Variants in EPB41L3 observed in about 807,000 individuals in gnomAD.
EPB41L3 encodes the protein band 4.1-like protein 3.
EPB41L3 carries 57 observed loss-of-function variants against 127.1 expected under a neutral mutation model. That is an observed-to-expected ratio of 0.45 (90% CI 0.36 to 0.56). EPB41L3 has a LOEUF of 0.56. Ranked by LOEUF, EPB41L3 falls within the 20% of genes least tolerant of loss-of-function variation. EPB41L3 has a pLI of 0.00. For synonymous variants in EPB41L3, 572 were observed against 549.5 expected (o/e 1.04, Z -0.57); for missense variants, 1,273 against 1,372.2 (o/e 0.93, Z 1.14).
chr18:5,620,022 C>T (rs1482905214), intron 1 of EPB41L3, among the ~76,000 whole-genome samples: 1 of 151,962 alleles, frequency 6.6e-6, no homozygotes, highest in Non-Finnish European at 1.5e-5. Context: ...AGTATTTTTC[C>T]ATAGCAAAAC....
intron 14 of EPB41L3, 51 bp downstream of exon 14, chr18:5,410,515 C>A: frequency 7.2e-7 from 1 of 1,393,990 alleles, no homozygotes; most frequent in Non-Finnish European, 1.0e-6. Context: ...AGCCACCCCA[C>A]AAGGCATTTT....
chr18:5,540,021 G>A (rs1211423840), intron 1 of EPB41L3, among the ~76,000 whole-genome samples: 3 of 152,058 alleles, frequency 2.0e-5, no homozygotes, highest in African/African-American at 7.2e-5. Flanking sequence ...CATCTTTAGA[G>A]AGACCACATA....
At chr18:5,615,656 T>C (rs2094785929) in intron 1 of EPB41L3, among the ~76,000 whole-genome samples, 2 of 152,218 alleles carry the variant, frequency 1.3e-5, no homozygotes, top group African/African-American at 4.8e-5. Flanking sequence ...GGGCAGAATA[T>C]TGGCACATAG....
chr18:5,570,208 A>G (rs1016746974), intron 3 of EPB41L3: 4 of 152,060 alleles, frequency 2.6e-5, no homozygotes, highest in African/African-American at 9.7e-5. Context: ...TCACCCCTCA[A>G]ATCAAATAGG....
intron 16 of EPB41L3, among the ~76,000 whole-genome samples, chr18:5,404,787 G>A (rs562342253): frequency 1.2e-4 from 18 of 152,092 alleles, no homozygotes; most frequent in Non-Finnish European, 2.4e-4. Flanking sequence ...TGGCTATTTA[G>A]TTTGTGTTTT....
intron 1 of EPB41L3, among the ~76,000 whole-genome samples, chr18:5,504,410 T>C (rs1462109063): frequency 6.6e-6 from 1 of 152,198 alleles, no homozygotes; most frequent in Non-Finnish European, 1.5e-5. Context: ...ATATCTTCAC[T>C]GTATTCTTTT....
At chr18:5,506,640 C>T (rs1366965134) in intron 1 of EPB41L3, among the ~76,000 whole-genome samples, 1 of 152,112 alleles carries the variant, frequency 6.6e-6, no homozygotes, top group Non-Finnish European at 1.5e-5. Flanking sequence ...GCTCTAAGCC[C>T]CAGGAAGTGG....
At chr18:5,518,324 G>A (rs767441637) in intron 1 of EPB41L3, among the ~76,000 whole-genome samples, 30 of 151,698 alleles carry the variant, frequency 2.0e-4, no homozygotes, top group Non-Finnish European at 3.4e-4. Flanking sequence ...TCCTCAGACC[G>A]CCACCCACCT....
In EPB41L3 at chr18:5,430,199, T is replaced by G. The variant is rs4594346; in HGVS notation, c.913-1734A>C. On this transcript the variant is annotated intron_variant, in intron 8 of 22. Transcript: ENST00000341928. The stretch of plus-strand genomic sequence containing the variant: ...TCCGATGCCTCCTCTTCTTGTCCCC[T>G]CCAAAACACACCTCTCTGTGTCCCC... Among the ~76,000 whole-genome samples, 633 of 152,292 alleles carry G rather than the reference T, an allele frequency of 4.2e-3. 7 individuals are homozygous for G. Among genetic ancestry groups the G allele is most frequent in the African/African-American group, 0.015 (604 of 41,572 alleles).
At chr18:5,507,851 C>T (rs1446772658) in intron 1 of EPB41L3, among the ~76,000 whole-genome samples, 1 of 152,156 alleles carries the variant, frequency 6.6e-6, no homozygotes, top group African/African-American at 2.4e-5. Context: ...ATCACGAGTG[C>T]TAATAAAATC....
At chr18:5,569,085 A>G (rs2094244650) in intron 3 of EPB41L3, among the ~76,000 whole-genome samples, 1 of 152,240 alleles carries the variant, frequency 6.6e-6, no homozygotes, top group African/African-American at 2.4e-5. Context: ...CTAGCATTTT[A>G]GAACAATTTT....
At chr18:5,529,234 A>G (rs2093334406) in intron 1 of EPB41L3, among the ~76,000 whole-genome samples, 1 of 152,184 alleles carries the variant, frequency 6.6e-6, no homozygotes, top group Non-Finnish European at 1.5e-5. Flanking sequence ...GCTACATAGG[A>G]GGTAAACATT....
chr18:5,397,322 C>A lies in EPB41L3; in HGVS notation c.2577G>T (p.Glu859Asp), dbSNP rs762564050. 1 of 1,614,060 alleles carries A rather than the reference C, an allele frequency of 6.2e-7. No individual in the cohort carries two copies. Among genetic ancestry groups the A allele is most frequent in the Non-Finnish European group, 8.5e-7 (1 of 1,180,048 alleles). Residue 859 changes from glutamate to aspartate, a missense_variant, in exon 18 of 23, where the codon GAG becomes GAT. Glu to Asp is a conservative substitution (Grantham distance 45, BLOSUM62 2). This residue lies in a region of EPB41L3 where 765 missense variants were observed against 782.9 expected (regional missense o/e 0.98). Transcript: ENST00000341928. The surrounding 1 kb of genome is among the most constrained non-coding windows in gnomAD (Gnocchi z 4.1). ...CACTCGCGTGCACCACACGCCGCTC[C>A]TCCACCAACACGGTCTCCTGCACCA... ...EKVVQETVLV[E>D]ERRVVHASGD...
At chr18:5,529,549 C>T (rs918825251) in intron 1 of EPB41L3, among the ~76,000 whole-genome samples, 1 of 152,148 alleles carries the variant, frequency 6.6e-6, no homozygotes, top group Non-Finnish European at 1.5e-5. Flanking sequence ...CTCCTCCAAG[C>T]TCCTCATGGC....
chr18:5,626,398 CCAAT>C (rs1488557599), intron 1 of EPB41L3, among the ~76,000 whole-genome samples: 1 of 152,186 alleles, frequency 6.6e-6, no homozygotes. Flanking sequence ...GACAAAATGA[CCAAT>C]CATACACATT....
rs374406358 is a variant in EPB41L3 at position 5,489,040 on chromosome 18, G to A, written c.144C>T (p.Phe48=). ...GGGTGCTGTGCGCTGCAGCGGCGGC[G>A]AACTGCTCCAGGGCCTGCTGCTGCT... ...KEEQQQALEQ[F]AAAAAHSTPV... Residue 48 remains phenylalanine (F), a synonymous_variant, in exon 2 of 23, where the codon TTC becomes TTT. Coordinates refer to ENST00000341928, the MANE Select transcript of EPB41L3 (RefSeq NM_012307.5). 47 of 1,592,424 alleles carry A rather than the reference G, an allele frequency of 3.0e-5. No individual in the cohort carries two copies. The highest frequency in any genetic ancestry group is 2.1e-4 in the East Asian group (9 of 43,752).
At position 5,393,245 on chromosome 18, in the gene EPB41L3, T is replaced by C; in HGVS notation, c.*240A>G. ...TGTGAAAATTAAAAATGCTGCTCTT[T>C]TGTAATTTTATCGTTGCTTCATGCA... On this transcript the variant is annotated 3_prime_UTR_variant, in exon 23 of 23. Coordinates refer to ENST00000341928, the MANE Select transcript of EPB41L3 (RefSeq NM_012307.5). 1 of 424,936 alleles carries C rather than the reference T, an allele frequency of 2.4e-6. No homozygotes were observed. Among genetic ancestry groups the C allele is most frequent in the Non-Finnish European group, 4.2e-6 (1 of 240,154 alleles). 26.3% of individuals were successfully genotyped at this position (424,936 alleles called of 1,614,324 possible).
chr18:5,536,303 G>A (rs2093570094), intron 1 of EPB41L3, among the ~76,000 whole-genome samples: 2 of 150,982 alleles, frequency 1.3e-5, no homozygotes, highest in South Asian at 4.2e-4. Context: ...TTAGAAGAGA[G>A]TCATGAAGTG....
intron 1 of EPB41L3, among the ~76,000 whole-genome samples, chr18:5,493,046 C>G (rs1241753012): frequency 1.3e-5 from 2 of 152,138 alleles, no homozygotes; most frequent in Non-Finnish European, 2.9e-5. Context: ...CTTTTCAGCT[C>G]TAATTTTTTA....
Sources: allele counts gnomAD v4.1 joint callset (sites outside exome capture counted in the v4.1 genomes callset), GRCh38; gene constraint gnomAD v4.1.1; regional missense constraint gnomAD v4.1.1; non-coding constraint Gnocchi (gnomAD v3.1); transcripts MANE v1.5; gene names NCBI Gene and HGNC (gene_info 2026-07-23, HGNC 2026-07-21).